CAMTA1: variants seen among roughly 807,000 people sequenced by gnomAD.
CAMTA1 encodes the protein calmodulin-binding transcription activator 1.
In CAMTA1, 27 loss-of-function variants were observed where a neutral mutation model predicts 170.9. The ratio of observed to expected loss-of-function variants is 0.16; its 90% CI spans 0.12 to 0.22. The LOEUF (loss-of-function observed/expected upper bound fraction) is 0.22, where lower values mean the gene tolerates loss of function less well. Among genes scored for constraint, CAMTA1 ranks in the 10% least tolerant of loss-of-function variants. CAMTA1 has a pLI of 1.00. For missense variants in CAMTA1, 1,619 were observed against 2,217.2 expected, an observed-to-expected ratio of 0.73 and a Z score of 5.42; for synonymous variants, 833 against 891.5, an observed-to-expected ratio of 0.93 and a Z score of 1.17.
At chr1:7,261,254 CTTAG>C (rs901554572) in intron 5 of CAMTA1, among the ~76,000 whole-genome samples, 15 of 152,032 alleles carry the variant, frequency 9.9e-5, no homozygotes, top group African/African-American at 3.4e-4. Context: ...GTTTTTATTC[CTTAG>C]TTAGTACCTG....
chr1:7,406,889 A>G (rs2090336395), intron 5 of CAMTA1, among the ~76,000 whole-genome samples: 1 of 152,010 alleles, frequency 6.6e-6, no homozygotes, highest in African/African-American at 2.4e-5. Flanking sequence ...TTTCTGAGTG[A>G]TATTTGCATA....
At chr1:6,881,366 G>C (rs1671519589) in intron 3 of CAMTA1, among the ~76,000 whole-genome samples, 1 of 152,192 alleles carries the variant, frequency 6.6e-6, no homozygotes, top group Non-Finnish European at 1.5e-5. Flanking sequence ...AAGCAACACT[G>C]TGACCACTTG....
intron 3 of CAMTA1, among the ~76,000 whole-genome samples, chr1:7,052,245 G>T (rs1488897463): frequency 7.1e-6 from 1 of 140,002 alleles, no homozygotes; most frequent in African/African-American, 2.8e-5. Flanking sequence ...GCGGGTTCTT[G>T]TCCAGCCCTC....
chr1:7,460,879 G>T (rs903631071), intron 5 of CAMTA1, among the ~76,000 whole-genome samples: 1 of 152,024 alleles, frequency 6.6e-6, no homozygotes, highest in Non-Finnish European at 1.5e-5. Context: ...CAGAGAGATG[G>T]GCCCAGTGGA....
chr1:7,021,411 C>G (rs1281613097), intron 3 of CAMTA1, among the ~76,000 whole-genome samples: 1 of 152,206 alleles, frequency 6.6e-6, no homozygotes, highest in Non-Finnish European at 1.5e-5. Context: ...CTTTGTCTGT[C>G]TGCTCCCTTC....
chr1:7,669,192 T>A (rs529037712), intron 9 of CAMTA1, among the ~76,000 whole-genome samples: 11 of 152,200 alleles, frequency 7.2e-5, no homozygotes, highest in Non-Finnish European at 1.6e-4. Context: ...CTCTCTCTGC[T>A]GCCGTAGCAG....
intron 5 of CAMTA1, among the ~76,000 whole-genome samples, chr1:7,272,106 A>G (rs1015427440): frequency 6.6e-6 from 1 of 152,180 alleles, no homozygotes; most frequent in Non-Finnish European, 1.5e-5. Context: ...GCAATAAACA[A>G]TTTGAAAATC....
At chr1:6,921,003 TC>T (rs1681892570) in intron 3 of CAMTA1, among the ~76,000 whole-genome samples, 1 of 152,264 alleles carries the variant, frequency 6.6e-6, no homozygotes, top group Admixed American at 6.5e-5. Context: ...ATTCGGCTCC[TC>T]GTTATTTATG....
intron 22 of CAMTA1, among the ~76,000 whole-genome samples, chr1:7,758,673 C>A (rs1383570984): frequency 2.0e-5 from 3 of 152,172 alleles, no homozygotes; most frequent in Non-Finnish European, 4.4e-5. Flanking sequence ...CGGTGGCTTA[C>A]GCCTGTAATC....
At position 7,738,293 on chromosome 1, in the gene CAMTA1, T is replaced by C; in HGVS notation, c.3993T>C (p.Ser1331=). The C allele has an allele frequency of 3.1e-6, 5 of 1,614,172 alleles. No homozygotes were observed. Among genetic ancestry groups the C allele is most frequent in the Non-Finnish European group, 3.4e-6 (4 of 1,180,048 alleles). The change falls in exon 16 of 23, where the codon TCT becomes TCC. Residue 1331 remains serine, a synonymous_variant. Coordinates refer to ENST00000303635, the MANE Select transcript of CAMTA1 (RefSeq NM_015215.4). This position sits in a 1 kb window ranked among gnomAD's most constrained non-coding sequence, Gnocchi z 4.9. ...WNSKDLYIGV[S]TVQVTGNPKG... is the part of the protein sequence containing the mutation. ...CCAAAGATCTTTACATTGGTGTGTC[T>C]ACAGTACAGGTGACTGGAAATCCGA...
intron 4 of CAMTA1, among the ~76,000 whole-genome samples, chr1:7,199,377 G>A (rs555011706): frequency 1.6e-4 from 25 of 152,348 alleles, no homozygotes; most frequent in African/African-American, 6.0e-4. Context: ...AGGTGGTGGC[G>A]TCAGCCCTGC....
chr1:7,675,118 G>A (rs2149257757), intron 10 of CAMTA1, among the ~76,000 whole-genome samples: 1 of 152,340 alleles, frequency 6.6e-6, no homozygotes, highest in Admixed American at 6.5e-5. Flanking sequence ...CCTGGATGAT[G>A]GGATGGAGCC....
intron 3 of CAMTA1, among the ~76,000 whole-genome samples, chr1:6,956,384 T>C (rs1418005697): frequency 6.6e-6 from 1 of 152,192 alleles, no homozygotes; most frequent in African/African-American, 2.4e-5. Context: ...CCAAGTGTCA[T>C]TTCTCCCTTG....
At chr1:6,909,640 G>C (rs1303993113) in intron 3 of CAMTA1, among the ~76,000 whole-genome samples, 1 of 152,242 alleles carries the variant, frequency 6.6e-6, no homozygotes, top group Non-Finnish European at 1.5e-5. Flanking sequence ...AGGGGCCTCT[G>C]CCTGCCTGTG....
intron 5 of CAMTA1, among the ~76,000 whole-genome samples, chr1:7,417,986 G>A (rs1385718232): frequency 1.3e-5 from 2 of 152,134 alleles, no homozygotes; most frequent in Admixed American, 6.5e-5. Context: ...TTCCTCCTGT[G>A]CCAAGCATCA....
intron 7 of CAMTA1, 134 bp downstream of exon 7, chr1:7,640,687 C>A: frequency 9.7e-7 from 1 of 1,034,680 alleles, no homozygotes; most frequent in Non-Finnish European, 1.4e-6. Context: ...GACAGTGGCA[C>A]CGTGAGCTTA....
intron 5 of CAMTA1, among the ~76,000 whole-genome samples, chr1:7,370,914 C>CTTTTTTTTTTTTTTTTTTT (rs61387662): frequency 9.1e-6 from 1 of 110,010 alleles, no homozygotes; most frequent in Non-Finnish European, 1.7e-5. Context: ...TTCTTTCTTT[C>CTTTTTTTTTTTTTTTTTTT]TTTTTTTTTT....
At chr1:6,954,355 T>C (rs985463513) in intron 3 of CAMTA1, among the ~76,000 whole-genome samples, 1 of 152,204 alleles carries the variant, frequency 6.6e-6, no homozygotes, top group Non-Finnish European at 1.5e-5. Flanking sequence ...AACGCTCCTA[T>C]TGCTCGAGCT....
intron 22 of CAMTA1, among the ~76,000 whole-genome samples, chr1:7,762,254 A>ATTTT (rs2096981949): frequency 6.6e-6 from 1 of 152,258 alleles, no homozygotes; most frequent in African/African-American, 2.4e-5. Flanking sequence ...AGAATCACCC[A>ATTTT]GAGATAATAA....
Sources: gnomAD v4.1 joint callset for allele counts (sites outside exome capture counted in the v4.1 genomes callset) on GRCh38, gnomAD v4.1.1 for gene constraint, Gnocchi (gnomAD v3.1) non-coding constraint, MANE v1.5 for transcripts, NCBI Gene and HGNC (gene_info 2026-07-23, HGNC 2026-07-21) for gene names.